Variants in CFAP45 observed in about 807,000 individuals in gnomAD.
CFAP45 encodes the protein cilia- and flagella-associated protein 45.
CFAP45 carries 43 observed loss-of-function variants against 75.6 expected under a neutral mutation model. That is an observed-to-expected ratio of 0.57 (90% confidence interval 0.45 to 0.73). The LOEUF (loss-of-function observed/expected upper bound fraction) is 0.73. CFAP45 is among the 30% of genes least tolerant of loss of function. The probability of loss-of-function intolerance (pLI) is 0.00; values close to 1 mark genes in which losing one functional copy is unlikely to be tolerated. For synonymous variants in CFAP45, 223 were observed against 244.6 expected (o/e 0.91, Z 0.82); for missense variants, 689 against 701.5 (o/e 0.98, Z 0.20).
intron 5 of CFAP45, 124 bp from the exon 6 acceptor site, chr1:159,886,813 G>A (rs1026576220): frequency 2.8e-5 from 21 of 743,616 alleles, no homozygotes; most frequent in Admixed American, 1.1e-4. Context: ...TCACAAGTCC[G>A]GGGAAATAAG....
intron 1 of CFAP45, among the ~76,000 whole-genome samples, chr1:159,899,141 G>T (rs150116922): frequency 2.2e-3 from 336 of 152,150 alleles, no homozygotes; most frequent in Middle Eastern, 0.017. Flanking sequence ...TCCCCTTCAT[G>T]GTTCCTCCCA....
chr1:159,881,707 C>T (rs1017358599), intron 7 of CFAP45, among the ~76,000 whole-genome samples: 3 of 152,192 alleles, frequency 2.0e-5, no homozygotes, highest in African/African-American at 4.8e-5. Context: ...TGAACAAGGT[C>T]GTTTTTAAGG....
chr1:159,877,875 A>AAATAAAT (rs1649440993), intron 8 of CFAP45, among the ~76,000 whole-genome samples: 2 of 148,972 alleles, frequency 1.3e-5, no homozygotes, highest in African/African-American at 2.5e-5. Context: ...ACCTTGTCTC[A>AAATAAAT]AAATAAATAA....
At chr1:159,899,994 ACCCCTAGACCCAACTGTGACCT>A in intron 1 of CFAP45, 80 bp downstream of exon 1, 5 of 1,329,106 alleles carry the variant, frequency 3.8e-6, no homozygotes, top group Non-Finnish European at 5.3e-6. Flanking sequence ...GGCCCTCCTG[ACCCCTAGACCCAACTGTGACCT>A]CCCCTAGGCC....
At position 159,894,013 on chromosome 1, in the gene CFAP45, G is replaced by A. The variant is rs541983531; in HGVS notation, c.4-708C>T. Among the ~76,000 whole-genome samples, 66 of 152,196 alleles carry A rather than the reference G, an allele frequency of 4.3e-4. No homozygotes were observed. In the South Asian group the frequency reaches 0.012, roughly 27 times the overall value. Reference sequence around the variant, plus strand: ...TGCAAAGAAATGACAAGTGTTTGAGGTAATGGATATGCTAACTACCCTGAT... The same window carrying A: ...TGCAAAGAAATGACAAGTGTTTGAGATAATGGATATGCTAACTACCCTGAT... On this transcript the variant is annotated intron_variant, in intron 1 of 11. Coordinates refer to ENST00000368099, the MANE Select transcript of CFAP45 (RefSeq NM_012337.3).
chr1:159,896,431 G>T (rs2101853760), intron 1 of CFAP45, among the ~76,000 whole-genome samples: 1 of 152,288 alleles, frequency 6.6e-6, no homozygotes, highest in African/African-American at 2.4e-5. Context: ...TTACACCAGG[G>T]TTAGAATAAA....
chr1:159,876,416 A>G (rs892364479), intron 10 of CFAP45, 140 bp downstream of exon 10: 4 of 650,640 alleles, frequency 6.1e-6, no homozygotes, highest in South Asian at 5.7e-5. Context: ...TCAATCATCC[A>G]TCTAGTTATA....
intron 9 of CFAP45, 66 bp downstream of exon 9, chr1:159,877,283 G>A: frequency 9.1e-7 from 1 of 1,097,872 alleles, no homozygotes; most frequent in Non-Finnish European, 1.4e-6. Flanking sequence ...CATTCTACAG[G>A]CTGTCAAAGG....
Position 159,884,500 on chromosome 1 carries a change from T to A in CFAP45, c.833A>T (p.Gln278Leu). 1 of 1,614,008 alleles carries A rather than the reference T, an allele frequency of 6.2e-7. No individual in the cohort carries two copies. The stretch of plus-strand genomic sequence containing the variant: ...CATCTGCTCCTTCTCCTGCTCCCGC[T>A]GCTCAGCAAGCAGCGATCGCTCCTC... ...NQEERSLLAE[Q>L]REQEKEQMLE... Residue 278 changes from glutamine (Q) to leucine (L), a missense_variant, in exon 7 of 12, where the codon CAG (glutamine) becomes CTG (leucine). By Grantham distance (113) the Gln-to-Leu change is moderately radical. Transcript: ENST00000368099.
intron 2 of CFAP45, among the ~76,000 whole-genome samples, 173 bp downstream of exon 2, chr1:159,893,006 TA>T (rs1649863076): frequency 1.3e-5 from 2 of 152,172 alleles, no homozygotes; most frequent in South Asian, 2.1e-4. Context: ...CCTGTTTACA[TA>T]GGCCCCACTA....
intron 10 of CFAP45, among the ~76,000 whole-genome samples, chr1:159,874,394 T>A (rs1571177745): frequency 6.6e-6 from 1 of 152,108 alleles, no homozygotes; most frequent in Non-Finnish European, 1.5e-5. Flanking sequence ...CATGCAAACA[T>A]CTCCTAAAAT....
At chr1:159,887,721 C>A in intron 5 of CFAP45, 120 bp downstream of exon 5, 1 of 1,020,472 alleles carries the variant, frequency 9.8e-7, no homozygotes. Context: ...GTGCAGCTCT[C>A]CCCCGCCCCA....
rs750755248 is a variant in CFAP45 at position 159,880,631 on chromosome 1, G to T, written c.967C>A (p.Gln323Lys). The change falls in exon 8 of 12, where the codon CAG becomes AAG. Residue 323 changes from glutamine (Q) to lysine (K), a missense_variant. Gln to Lys is a moderately conservative substitution (Grantham distance 53). Transcript: ENST00000368099. ...AEIKRINDEN[Q>K]KQKAELLAQE... Reference sequence around the variant, plus strand: ...GCCAGCAGTTCTGCTTTCTGTTTCTGGTTTTCATCATTGATGCGCTTAATC... The same window carrying T: ...GCCAGCAGTTCTGCTTTCTGTTTCTTGTTTTCATCATTGATGCGCTTAATC... 6.2e-7 allele frequency: 1 copy of T among 1,613,806 alleles called. No homozygotes were observed. The highest frequency in any genetic ancestry group is 8.5e-7 in the Non-Finnish European group (1 of 1,179,856).
At position 159,893,259 on chromosome 1, in the gene CFAP45, T is replaced by C. The variant is rs144965039; in HGVS notation, c.50A>G (p.Asn17Ser). The change falls in exon 2 of 12, where the codon AAC (asparagine) becomes AGC (serine). Residue 17 changes from asparagine (N) to serine (S), a missense_variant. Physicochemically the swap from Asn to Ser is conservative, Grantham distance 46. Coordinates refer to ENST00000368099, the MANE Select transcript of CFAP45 (RefSeq NM_012337.3). ...GILSSSSAAS[N>S]RSRNKARYRT... is the part of the protein sequence containing the mutation. ...ATAGCGAGCCTTATTCCTTGACCTG[T>C]TGGAAGCGGCAGAAGAGGAGCTCAG... 2.5e-6 allele frequency: 4 copies of C among 1,613,752 alleles called. No individual in the cohort carries two copies. The highest frequency in any genetic ancestry group is 2.7e-5 in the African/African-American group (2 of 74,904).
chr1:159,898,259 AG>A (rs1649996649), intron 1 of CFAP45: 1 of 985,052 alleles, frequency 1.0e-6, no homozygotes, highest in Non-Finnish European at 1.2e-6. Flanking sequence ...ATTGGGACCA[AG>A]TTGGCCATCT....
chr1:159,884,310 G>A lies in CFAP45; in HGVS notation c.897+126C>T, dbSNP rs1020709788. The A allele has an allele frequency of 8.2e-5, 78 of 952,154 alleles. No individual in the cohort carries two copies. The East Asian group carries it at 1.2e-3, about 15-fold the overall frequency. The allele number at this position is 952,154 out of a possible 1,614,324, so 59.0% of individuals were successfully genotyped here. A position where few individuals can be genotyped will look rare whatever the true frequency, so the allele number is the denominator to read the frequency against. On this transcript the variant is annotated intron_variant, in intron 7 of 11. Transcript: ENST00000368099. ...TTTAACATGGCAATAAAAAGTTGAC[G>A]GTGATGATGTTGTGAAATGAGCATG...
chr1:159,884,598 A>T, intron 6 of CFAP45, 33 bp from the exon 7 acceptor site: 2 of 1,603,588 alleles, frequency 1.2e-6, no homozygotes, highest in Non-Finnish European at 1.7e-6. Flanking sequence ...TGTCTTAGAA[A>T]CCCCGGGTCC....
In CFAP45 at chr1:159,898,564, A is replaced by C. The variant is rs572510787; in HGVS notation, c.3+1532T>G. On this transcript the variant is annotated intron_variant, in intron 1 of 11. Coordinates refer to ENST00000368099, the MANE Select transcript of CFAP45 (RefSeq NM_012337.3). ...CCAGGAATTACAGAGGGGCTCAGTG[A>C]GTGAGTCAAACCCCTGCCCTGAGTG... is the stretch of plus-strand genomic sequence containing the variant. 1.3e-4 allele frequency among the ~76,000 whole-genome samples: 20 copies of C among 152,350 alleles called. No individual in the cohort carries two copies. In the South Asian group the frequency reaches 3.5e-3, roughly 27 times the overall value.
rs1406715429 is a variant in CFAP45 at position 159,884,622 on chromosome 1, T to A, written c.768-57A>T. The A allele has an allele frequency of 2.6e-6, 4 of 1,554,700 alleles. No homozygotes were observed. In the Admixed American group the frequency reaches 5.5e-5, roughly 21 times the overall value. ...AACCCCGGGTCCACATCTCCCAGAG[T>A]CCAACCTCCACCTAAACAACCCCCA... is the stretch of plus-strand genomic sequence containing the variant. On this transcript the variant is annotated intron_variant, in intron 6 of 11. Transcript: ENST00000368099.
Sources: allele counts gnomAD v4.1 joint callset (sites outside exome capture counted in the v4.1 genomes callset), GRCh38; gene constraint gnomAD v4.1.1; transcripts MANE v1.5; gene names NCBI Gene and HGNC (gene_info 2026-07-23, HGNC 2026-07-21).